CCNB3: variants seen among roughly 807,000 people sequenced by gnomAD.
CCNB3 encodes the protein G2/mitotic-specific cyclin-B3.
A neutral mutation model predicts 68.0 loss-of-function variants in CCNB3; 12 were observed. That is an observed-to-expected ratio of 0.18 (90% confidence interval 0.11 to 0.29). CCNB3 has a LOEUF of 0.29. Ranked by LOEUF, CCNB3 falls within the 10% of genes least tolerant of loss-of-function variation. The probability of loss-of-function intolerance (pLI) is 1.00; values close to 1 mark genes in which losing one functional copy is unlikely to be tolerated. For missense variants in CCNB3, 904 were observed against 993.1 expected (o/e 0.91, Z 1.21); for synonymous variants, 354 against 388.9 (o/e 0.91, Z 1.06).
chrX:50,216,507 A>G (rs1370231492), intron 1 of CCNB3, among the ~76,000 whole-genome samples: 1 of 110,422 alleles, frequency 9.1e-6, no homozygotes, highest in Non-Finnish European at 1.9e-5. Flanking sequence ...TGACCTCCTG[A>G]TCCGCTCGCC....
intron 1 of CCNB3, among the ~76,000 whole-genome samples, chrX:50,228,078 ATATT>A (rs2147002141): frequency 1.1e-5 from 1 of 88,612 alleles, no homozygotes; most frequent in East Asian, 3.2e-4. Context: ...ATATATATAA[ATATT>A]TAGAGAATAT....
At chrX:50,307,879 T>TTA (rs1557213779) in intron 5 of CCNB3, among the ~76,000 whole-genome samples, 1 of 112,141 alleles carries the variant, frequency 8.9e-6, no homozygotes, top group African/African-American at 3.2e-5. Flanking sequence ...ATTCTGAACT[T>TTA]TAGTCTTTCT....
chrX:50,297,859 T>G (rs1936513484), intron 5 of CCNB3, among the ~76,000 whole-genome samples: 3 of 111,569 alleles, frequency 2.7e-5, no homozygotes, highest in Non-Finnish European at 5.6e-5. Flanking sequence ...CCCTTGTAAG[T>G]TGGATTCCTA....
intron 1 of CCNB3, among the ~76,000 whole-genome samples, chrX:50,226,208 ATATT>A (rs1181281375): frequency 1.5e-5 from 1 of 66,941 alleles, no homozygotes. Context: ...TAGAATATAT[ATATT>A]TATATATATA....
At chrX:50,312,697 A>G in intron 7 of CCNB3, 65 bp downstream of exon 7, 1 of 737,715 alleles carries the variant, frequency 1.4e-6, no homozygotes, top group Non-Finnish European at 2.1e-6. Context: ...TCCATCCTTC[A>G]GTGTGCAAGT....
In CCNB3 at chrX:50,310,176, G is replaced by C. The variant is rs1266199123; in HGVS notation, c.2007G>C (p.Glu669Asp). 1 of 1,207,792 alleles carries C rather than the reference G, an allele frequency of 8.3e-7. No homozygotes were observed. Among genetic ancestry groups the C allele is most frequent in the African/African-American group, 1.7e-5 (1 of 57,317 alleles). ...TCCAAGAGAAGGCTACCACTGAGGA[G>C]GAATTCTCTCAGGAACTATTTTCAT... ...LAIQEKATTE[E>D]EFSQELFSLH... Residue 669 changes from glutamate to aspartate, a missense_variant, in exon 6 of 13, where the codon GAG becomes GAC. Glu to Asp is a conservative substitution (Grantham distance 45, BLOSUM62 2). Around this residue, in one of 2 missense-constraint regions of CCNB3, gnomAD observed 619 missense variants for 609.8 expected, o/e 1.02. Coordinates refer to ENST00000376042, the MANE Select transcript of CCNB3 (RefSeq NM_033031.3).
At chrX:50,304,448 A>G (rs1936715361) in intron 5 of CCNB3, among the ~76,000 whole-genome samples, 2 of 111,961 alleles carry the variant, frequency 1.8e-5, no homozygotes, top group South Asian at 3.8e-4. Flanking sequence ...CTGGCTAGCC[A>G]TATGTAGAAA....
intron 1 of CCNB3, among the ~76,000 whole-genome samples, chrX:50,283,561 C>G (rs1399422346): frequency 9.0e-6 from 1 of 111,598 alleles, no homozygotes; most frequent in Non-Finnish European, 1.9e-5. Flanking sequence ...TTTCTCCTTT[C>G]TTAAACTTTC....
chrX:50,314,849 G>T (rs1921640253), intron 8 of CCNB3, among the ~76,000 whole-genome samples: 1 of 111,294 alleles, frequency 9.0e-6, no homozygotes, highest in Non-Finnish European at 1.9e-5. Context: ...ATTGGACTTT[G>T]TTCTGCTTAA....
At chrX:50,335,591 G>T (rs1273570296) in intron 8 of CCNB3, among the ~76,000 whole-genome samples, 1 of 111,759 alleles carries the variant, frequency 8.9e-6, no homozygotes, top group Non-Finnish European at 1.9e-5. Flanking sequence ...TGTCTAATTG[G>T]CTGGGCCCCA....
intron 8 of CCNB3, among the ~76,000 whole-genome samples, chrX:50,318,900 T>C (rs1480377316): frequency 1.8e-5 from 2 of 111,686 alleles, no homozygotes; most frequent in African/African-American, 3.2e-5. Flanking sequence ...CACAGAGTGT[T>C]TACTTGACCA....
At chrX:50,216,107 C>T (rs1337042746) in intron 1 of CCNB3, among the ~76,000 whole-genome samples, 1 of 107,781 alleles carries the variant, frequency 9.3e-6, no homozygotes, top group African/African-American at 3.4e-5. Context: ...CACCACCACG[C>T]CTGGCTAATT....
In CCNB3 at chrX:50,351,661, G is replaced by A. The variant is rs782786168; in HGVS notation, c.4146G>A (p.Glu1382=). The change falls in exon 13 of 13, where the codon GAG becomes GAA. Residue 1382 remains glutamate, a synonymous_variant. Transcript: ENST00000376042. ...IPALDMLKLE[E]ILNCDCEAQG... The stretch of plus-strand genomic sequence containing the variant: ...CCTTGGATATGTTGAAGCTGGAGGA[G>A]ATTTTGAACTGTGATTGTGAGGCTC... The A allele has an allele frequency of 2.5e-6, 3 of 1,211,659 alleles. No homozygotes were observed. Among genetic ancestry groups the A allele is most frequent in the South Asian group, 3.5e-5 (2 of 56,958 alleles).
At chrX:50,343,047 T>C (rs1486596644) in intron 9 of CCNB3, among the ~76,000 whole-genome samples, 3 of 111,208 alleles carry the variant, frequency 2.7e-5, no homozygotes, top group African/African-American at 9.8e-5. Flanking sequence ...AAAAATAAAG[T>C]TAACTGTAAA....
At chrX:50,228,677 A>G (rs1180334061) in intron 1 of CCNB3, among the ~76,000 whole-genome samples, 67 of 83,594 alleles carry the variant, frequency 8.0e-4, no homozygotes, top group Non-Finnish European at 1.7e-4. Context: ...TATAGAATAT[A>G]TATAGAATAT....
At chrX:50,285,290 CTT>C (rs768114740) in intron 3 of CCNB3, 31 bp downstream of exon 3, 14 of 1,043,597 alleles carry the variant, frequency 1.3e-5, no homozygotes, top group Non-Finnish European at 1.3e-6. Flanking sequence ...CCAACAATAT[CTT>C]TGGTAGTCTC....
At chrX:50,226,361 A>G (rs1459664842) in intron 1 of CCNB3, among the ~76,000 whole-genome samples, 1 of 64,584 alleles carries the variant, frequency 1.5e-5, no homozygotes, top group Non-Finnish European at 2.6e-5. Flanking sequence ...AAAAATATGT[A>G]TAGAATATAT....
chrX:50,347,570 T>C, intron 10 of CCNB3, 56 bp from the exon 11 acceptor site: 1 of 1,139,160 alleles, frequency 8.8e-7, no homozygotes, highest in East Asian at 3.0e-5. Context: ...GGGAGTCCTC[T>C]GCTTGGTGCC....
chrX:50,329,748 C>G (rs1353211014), intron 8 of CCNB3, among the ~76,000 whole-genome samples: 4 of 112,379 alleles, frequency 3.6e-5, no homozygotes, highest in Non-Finnish European at 7.5e-5. Flanking sequence ...TGGATTCTTT[C>G]CCTGAAAACA....
Sources: allele counts gnomAD v4.1 joint callset (sites outside exome capture counted in the v4.1 genomes callset), GRCh38; gene constraint gnomAD v4.1.1; regional missense constraint gnomAD v4.1.1; transcripts MANE v1.5; gene names NCBI Gene and HGNC (gene_info 2026-07-23, HGNC 2026-07-21).